The following UBE2H variants were observed in gnomAD, a reference collection of about 807,000 sequenced individuals.
UBE2H encodes the protein ubiquitin-conjugating enzyme E2 H.
In UBE2H, 3 loss-of-function variants were observed where a neutral mutation model predicts 29.0. The ratio of observed to expected loss-of-function variants is 0.10; its 90% CI spans 0.05 to 0.27. The LOEUF (loss-of-function observed/expected upper bound fraction) is 0.27, where lower values mean the gene tolerates loss of function less well. Among genes scored for constraint, UBE2H ranks in the 10% least tolerant of loss-of-function variants. The probability of loss-of-function intolerance (pLI) is 1.00; values close to 1 mark genes in which losing one functional copy is unlikely to be tolerated. For synonymous variants in UBE2H, 69 were observed against 82.9 expected (o/e 0.83, Z 0.91); for missense variants, 68 against 228.2 (o/e 0.30, Z 4.52).
At chr7:129,891,281 G>A (rs893707824) in intron 1 of UBE2H, among the ~76,000 whole-genome samples, 3 of 151,990 alleles carry the variant, frequency 2.0e-5, no homozygotes, top group African/African-American at 7.2e-5. Context: ...TGCCTCCCCA[G>A]TTCAAGAGAG....
At chr7:129,839,535 C>G in intron 5 of UBE2H, 200 bp from the exon 6 acceptor site, 1 of 594,150 alleles carries the variant, frequency 1.7e-6, no homozygotes, top group South Asian at 2.2e-5. Flanking sequence ...ATTTGAAGAA[C>G]GAGATAAAGA....
At chr7:129,862,555 A>T (rs978244110) in intron 3 of UBE2H, among the ~76,000 whole-genome samples, 9 of 152,194 alleles carry the variant, frequency 5.9e-5, no homozygotes, top group African/African-American at 2.2e-4. Flanking sequence ...TGAGATGGTC[A>T]GGAAGGGACT....
intron 1 of UBE2H, among the ~76,000 whole-genome samples, chr7:129,935,976 A>G (rs994912432): frequency 2.0e-5 from 3 of 152,206 alleles, no homozygotes; most frequent in African/African-American, 7.2e-5. Flanking sequence ...AGAGAATATG[A>G]TTATTAATTT....
At chr7:129,918,254 AG>A (rs2116463137) in intron 1 of UBE2H, among the ~76,000 whole-genome samples, 1 of 152,334 alleles carries the variant, frequency 6.6e-6, no homozygotes, top group Non-Finnish European at 1.5e-5. Flanking sequence ...AGCTTTCTAA[AG>A]GAAGTTCTTT....
At chr7:129,901,308 AGCCACCCTATTT>A (rs1391259285) in intron 1 of UBE2H, among the ~76,000 whole-genome samples, 11 of 152,084 alleles carry the variant, frequency 7.2e-5, no homozygotes, top group Admixed American at 2.0e-4. Flanking sequence ...CTGTTCTTTG[AGCCACCCTATTT>A]GCCTCTCTCT....
At chr7:129,925,304 G>A (rs756988270) in intron 1 of UBE2H, among the ~76,000 whole-genome samples, 2 of 151,448 alleles carry the variant, frequency 1.3e-5, no homozygotes, top group African/African-American at 2.4e-5. Flanking sequence ...CCAAGATTAC[G>A]CCACTGCACT....
At chr7:129,932,955 C>T (rs960462854) in intron 1 of UBE2H, among the ~76,000 whole-genome samples, 2 of 152,058 alleles carry the variant, frequency 1.3e-5, no homozygotes, top group Admixed American at 6.6e-5. Context: ...GTGCCAGAAC[C>T]TCTGTTACTT....
intron 1 of UBE2H, among the ~76,000 whole-genome samples, chr7:129,933,147 T>A (rs1050464547): frequency 6.6e-6 from 1 of 152,200 alleles, no homozygotes; most frequent in Admixed American, 6.6e-5. Context: ...TTATTCTGAA[T>A]AACTAAGAAA....
intron 1 of UBE2H, among the ~76,000 whole-genome samples, chr7:129,923,498 AG>A (rs1807206782): frequency 6.6e-6 from 1 of 152,214 alleles, no homozygotes; most frequent in African/African-American, 2.4e-5. Flanking sequence ...GAAGTTATAT[AG>A]TAATTTAGAA....
At chr7:129,952,462 G>GC (rs768756883) in intron 1 of UBE2H, 41 bp downstream of exon 1, 6 of 1,603,010 alleles carry the variant, frequency 3.7e-6, no homozygotes, top group East Asian at 2.3e-5. Context: ...TCCCCACACC[G>GC]CCCCCCACAC....
chr7:129,901,843 C>T (rs1806723065), intron 1 of UBE2H, among the ~76,000 whole-genome samples: 1 of 152,156 alleles, frequency 6.6e-6, no homozygotes, highest in Non-Finnish European at 1.5e-5. Context: ...AATCCACCCA[C>T]CTCAGCCTCC....
intron 3 of UBE2H, among the ~76,000 whole-genome samples, chr7:129,863,730 G>A (rs943660058): frequency 2.6e-5 from 4 of 151,708 alleles, no homozygotes; most frequent in African/African-American, 9.7e-5. Flanking sequence ...TTGCCTTTGA[G>A]GGATGAACAC....
At chr7:129,884,528 T>C (rs1439768850) in intron 1 of UBE2H, among the ~76,000 whole-genome samples, 1 of 152,142 alleles carries the variant, frequency 6.6e-6, no homozygotes, top group Non-Finnish European at 1.5e-5. Flanking sequence ...CCTGGAATAT[T>C]TGAAGTTTAA....
intron 1 of UBE2H, among the ~76,000 whole-genome samples, chr7:129,922,520 A>G (rs140179843): frequency 0.062 from 9,477 of 151,860 alleles, 368 homozygotes; most frequent in Non-Finnish European, 0.091. Flanking sequence ...CAAGTGATCC[A>G]CCCGCCTCGG....
chr7:129,920,635 A>C (rs1389971842), intron 1 of UBE2H, among the ~76,000 whole-genome samples: 1 of 152,158 alleles, frequency 6.6e-6, no homozygotes, highest in African/African-American at 2.4e-5. Flanking sequence ...CAATTCAAGA[A>C]GACAGGGAGG....
intron 5 of UBE2H, among the ~76,000 whole-genome samples, chr7:129,842,997 A>ATTTT (rs1214247554): frequency 2.9e-5 from 4 of 139,562 alleles, no homozygotes; most frequent in East Asian, 2.1e-4. Flanking sequence ...ATTAACAGTA[A>ATTTT]TTTTTTTTTT....
At chr7:129,939,907 C>T (rs923327627) in intron 1 of UBE2H, among the ~76,000 whole-genome samples, 1 of 150,858 alleles carries the variant, frequency 6.6e-6, no homozygotes, top group South Asian at 2.1e-4. Flanking sequence ...TGCAGTGAGC[C>T]GAGATGGAGC....
intron 1 of UBE2H, among the ~76,000 whole-genome samples, chr7:129,942,348 G>A (rs192454070): frequency 2.6e-5 from 4 of 152,068 alleles, no homozygotes; most frequent in South Asian, 2.1e-4. Flanking sequence ...TTAGCCAGGC[G>A]TGGTGGCACA....
rs1295471171 is a variant in UBE2H, at chr7:129,833,166, CTTTT to C, written c.*1767_*1770del. On this transcript the variant is annotated 3_prime_UTR_variant, in exon 7 of 7. Transcript: ENST00000355621. Reference sequence around the variant, plus strand: ...AACATAAAGTAAGTAAATTCTTTGTCTTTTTATTTAGGAAAATAATCATGCTAAA... The same window carrying C: ...AACATAAAGTAAGTAAATTCTTTGTCTATTTAGGAAAATAATCATGCTAAA... 6.6e-6 allele frequency: 1 copy of C among 151,520 alleles called. No homozygotes were observed. The highest frequency in any genetic ancestry group is 1.5e-5 in the Non-Finnish European group (1 of 67,850). The allele number at this position is 151,520 out of a possible 1,614,324, so 9.4% of individuals were successfully genotyped here. A position where few individuals can be genotyped will look rare whatever the true frequency, so the allele number is the denominator to read the frequency against.
Sources: allele counts gnomAD v4.1 joint callset (sites outside exome capture counted in the v4.1 genomes callset), GRCh38; gene constraint gnomAD v4.1.1; transcripts MANE v1.5; gene names NCBI Gene and HGNC (gene_info 2026-07-23, HGNC 2026-07-21).